Variants in PKNOX2 observed in about 807,000 individuals in gnomAD.
PKNOX2 encodes the protein PBX/knotted 1 homeobox 2.
Under a neutral mutation model 53.1 loss-of-function variants are expected in PKNOX2, and 14 were observed. The ratio of observed to expected loss-of-function variants is 0.26; its 90% CI spans 0.17 to 0.41. The LOEUF is 0.41. Ranked by LOEUF, PKNOX2 falls within the 10% of genes least tolerant of loss-of-function variation. The pLI, the probability that PKNOX2 is intolerant of heterozygous loss-of-function variation, is 1.00. For synonymous variants in PKNOX2, 257 were observed against 242.8 expected (o/e 1.06, Z -0.54); for missense variants, 496 against 602.8 (o/e 0.82, Z 1.85).
At position 125,420,228 on chromosome 11, in the gene PKNOX2, T is replaced by TTAA. The variant is rs1555174296; in HGVS notation, c.936+8363_936+8364insTAA. Among the ~76,000 whole-genome samples the TTAA allele has an allele frequency of 3.1e-4, 45 of 145,596 alleles. 2 individuals are homozygous for TTAA. The highest frequency in any genetic ancestry group is 1.1e-3 in the African/African-American group (42 of 38,780). ...CCCCAAAAAAGCTGAGTTTTTTATT[T>TTAA]AAAAAAAAAAAAATGGGGGCCGGGC... On this transcript the variant is annotated intron_variant, in intron 10 of 12. Coordinates refer to ENST00000298282, the MANE Select transcript of PKNOX2 (RefSeq NM_001382323.2).
intron 7 of PKNOX2, among the ~76,000 whole-genome samples, chr11:125,405,551 C>T (rs1955036603): frequency 6.6e-6 from 1 of 152,192 alleles, no homozygotes; most frequent in South Asian, 2.1e-4. Flanking sequence ...CTTAGTAAGG[C>T]CTTCCTTTGG....
rs1956204099 is a variant in PKNOX2, at chr11:125,422,142, A to G, written c.937-6870A>G. Among the ~76,000 whole-genome samples, 2 of 152,134 alleles carry G rather than the reference A, an allele frequency of 1.3e-5. No individual in the cohort carries two copies. Among genetic ancestry groups the G allele is most frequent in the South Asian group, 4.1e-4 (2 of 4,828 alleles). ...CCTATGATTCGTATTGGCCACAGGGAGTGACCCCTCGCTCCAAGTTGTTGT... is the reference window on the plus strand; with the variant it reads ...CCTATGATTCGTATTGGCCACAGGGGGTGACCCCTCGCTCCAAGTTGTTGT... On this transcript the variant is annotated intron_variant, in intron 10 of 12. Transcript: ENST00000298282. The surrounding 1 kb of genome is among the most constrained non-coding windows in gnomAD (Gnocchi z 4.1).
chr11:125,222,587 G>A (rs1012541755), intron 1 of PKNOX2, among the ~76,000 whole-genome samples: 3 of 146,052 alleles, frequency 2.1e-5, no homozygotes, highest in Admixed American at 6.8e-5. Context: ...GGTGCTCCTG[G>A]TGTGTGTGTG....
intron 1 of PKNOX2, among the ~76,000 whole-genome samples, chr11:125,179,013 C>T (rs563431386): frequency 6.6e-6 from 1 of 152,260 alleles, no homozygotes; most frequent in African/African-American, 2.4e-5. Flanking sequence ...CCCTTCAAGC[C>T]TTGCCCTCTC....
chr11:125,380,321 G>A (rs1591549455), intron 5 of PKNOX2, among the ~76,000 whole-genome samples: 1 of 152,126 alleles, frequency 6.6e-6, no homozygotes, highest in African/African-American at 2.4e-5. Flanking sequence ...CTGCACTGAC[G>A]AGGCTCAAAC....
intron 10 of PKNOX2, among the ~76,000 whole-genome samples, chr11:125,415,967 C>A (rs1392380364): frequency 1.3e-5 from 2 of 152,182 alleles, no homozygotes; most frequent in Non-Finnish European, 2.9e-5. Context: ...CTTGCATAAA[C>A]CTCTCCTATA....
In PKNOX2 at chr11:125,431,212, C is replaced by T. The variant is rs1649755537; in HGVS notation, c.1239C>T (p.Ala413=). ...TGCAGTCCCTGTCCTCAGACAGTGC[C>T]ACCATGGCCATGCAGCAGGCTATGA... is the stretch of plus-strand genomic sequence containing the variant. ...DNLQSLSSDS[A]TMAMQQAMMA... is the part of the protein sequence containing the mutation. Residue 413 remains alanine, a synonymous_variant, in exon 13 of 13, where the codon GCC becomes GCT. Transcript: ENST00000298282. 6.2e-7 allele frequency: 1 copy of T among 1,613,694 alleles called. No individual in the cohort carries two copies. Among genetic ancestry groups the T allele is most frequent in the South Asian group, 1.1e-5 (1 of 91,050 alleles).
intron 2 of PKNOX2, among the ~76,000 whole-genome samples, chr11:125,285,447 C>T (rs776937433): frequency 2.6e-5 from 4 of 152,332 alleles, no homozygotes; most frequent in South Asian, 2.1e-4. Flanking sequence ...GATCTAATAT[C>T]GGGCTATACA....
chr11:125,307,916 G>T (rs1209896027), intron 2 of PKNOX2, among the ~76,000 whole-genome samples: 1 of 152,206 alleles, frequency 6.6e-6, no homozygotes, highest in Non-Finnish European at 1.5e-5. Flanking sequence ...GCTGCCATGG[G>T]AAATGTCTTC....
intron 2 of PKNOX2, among the ~76,000 whole-genome samples, chr11:125,292,114 G>A (rs1947343717): frequency 6.6e-6 from 1 of 152,192 alleles, no homozygotes; most frequent in Non-Finnish European, 1.5e-5. Flanking sequence ...GTTAGCTTGT[G>A]CAGAAGACCT....
chr11:125,275,937 GGAGAGA>G (rs1946123476), intron 2 of PKNOX2, among the ~76,000 whole-genome samples: 1 of 152,150 alleles, frequency 6.6e-6, no homozygotes, highest in Non-Finnish European at 1.5e-5. Context: ...GATCACATAG[GGAGAGA>G]GAAAGGATGC....
At position 125,165,415 on chromosome 11, in the gene PKNOX2, C is replaced by A. The variant is rs1311967120; in HGVS notation, c.-201+639C>A. ...GGCAGGCTCCAGGTTCTCTTTCTCC[C>A]GGCTTCGGGCGTCCTTGGGGCCGGC... is the stretch of plus-strand genomic sequence containing the variant. On this transcript the variant is annotated intron_variant, in intron 1 of 12. Coordinates refer to ENST00000298282, the MANE Select transcript of PKNOX2 (RefSeq NM_001382323.2). The surrounding 1 kb of genome is among the most constrained non-coding windows in gnomAD (Gnocchi z 4.5). 6.6e-6 allele frequency among the ~76,000 whole-genome samples: 1 copy of A among 152,138 alleles called. No individual in the cohort carries two copies. Among genetic ancestry groups the A allele is most frequent in the African/African-American group, 2.4e-5 (1 of 41,448 alleles).
rs899693295 is a variant in PKNOX2 at position 125,383,307 on chromosome 11, T to C, written c.228-2244T>C. On this transcript the variant is annotated intron_variant, in intron 5 of 12. Transcript: ENST00000298282. ...GCTGGAGGGGAGACCATTGCCTGTT[T>C]GCCTTACTTGTTGTGTTCTCGGTAG... Among the ~76,000 whole-genome samples, 4 of 152,144 alleles carry C rather than the reference T, an allele frequency of 2.6e-5. No individual in the cohort carries two copies. The East Asian group carries it at 7.7e-4, about 29-fold the overall frequency.
intron 2 of PKNOX2, among the ~76,000 whole-genome samples, chr11:125,328,972 C>A (rs1007901734): frequency 2.6e-5 from 4 of 152,202 alleles, no homozygotes; most frequent in African/African-American, 9.7e-5. Context: ...GACGAACACA[C>A]CTTTGGACTT....
intron 3 of PKNOX2, among the ~76,000 whole-genome samples, chr11:125,344,526 A>G (rs1212302293): frequency 6.6e-6 from 1 of 152,232 alleles, no homozygotes; most frequent in African/African-American, 2.4e-5. Flanking sequence ...AGAAGCAGGC[A>G]GTCCTAGCCA....
intron 2 of PKNOX2, among the ~76,000 whole-genome samples, chr11:125,268,879 T>C (rs1327526393): frequency 6.7e-6 from 1 of 149,658 alleles, no homozygotes; most frequent in East Asian, 2.0e-4. Flanking sequence ...TTGGTCCCAT[T>C]AGTCATTCTG....
intron 2 of PKNOX2, among the ~76,000 whole-genome samples, chr11:125,262,200 G>A (rs1204847404): frequency 6.6e-6 from 1 of 152,192 alleles, no homozygotes; most frequent in Non-Finnish European, 1.5e-5. Context: ...GCCAGACAGT[G>A]AGACAGTGGA....
At chr11:125,339,439 G>A (rs148128642) in intron 3 of PKNOX2, among the ~76,000 whole-genome samples, 4 of 152,196 alleles carry the variant, frequency 2.6e-5, no homozygotes, top group South Asian at 2.1e-4. Context: ...CACTGGACAC[G>A]CTTTCCCAAG....
rs1181825526 is a variant in PKNOX2, at chr11:125,422,067, AG to A, written c.937-6943del. Reference sequence around the variant, plus strand: ...TTTAGGATTGGGTAGGAAGAGAAAAAGGAGGGGTCATTTTGGATGACAATTA... The same window carrying A: ...TTTAGGATTGGGTAGGAAGAGAAAAAGAGGGGTCATTTTGGATGACAATTA... On this transcript the variant is annotated intron_variant, in intron 10 of 12. Transcript: ENST00000298282. This position sits in a 1 kb window ranked among gnomAD's most constrained non-coding sequence, Gnocchi z 4.1. 6.6e-6 allele frequency among the ~76,000 whole-genome samples: 1 copy of A among 152,174 alleles called. No individual in the cohort carries two copies. The highest frequency in any genetic ancestry group is 1.5e-5 in the Non-Finnish European group (1 of 68,030).
Sources: allele counts gnomAD v4.1 joint callset (sites outside exome capture counted in the v4.1 genomes callset), GRCh38; gene constraint gnomAD v4.1.1; non-coding constraint Gnocchi (gnomAD v3.1); transcripts MANE v1.5; gene names NCBI Gene and HGNC (gene_info 2026-07-23, HGNC 2026-07-21).